ATP7A: variants seen among roughly 807,000 people sequenced by gnomAD.
ATP7A encodes the protein copper-transporting ATPase 1.
Under a neutral mutation model 83.5 loss-of-function variants are expected in ATP7A, and 7 were observed. The ratio of observed to expected loss-of-function variants is 0.08; its 90% CI spans 0.05 to 0.16. The LOEUF (loss-of-function observed/expected upper bound fraction) is 0.16, where lower values mean the gene tolerates loss of function less well. ATP7A is among the 10% of genes least tolerant of loss of function. The probability of loss-of-function intolerance (pLI) is 1.00; values close to 1 mark genes in which losing one functional copy is unlikely to be tolerated. For synonymous variants in ATP7A, 354 were observed against 395.2 expected, an observed-to-expected ratio of 0.90 and a Z score of 1.24; for missense variants, 940 against 1,120.8, an observed-to-expected ratio of 0.84 and a Z score of 2.30.
intron 18 of ATP7A, among the ~76,000 whole-genome samples, chrX:78,039,640 G>C (rs782468688): frequency 5.6e-4 from 63 of 111,948 alleles, no homozygotes; most frequent in African/African-American, 2.0e-3. Flanking sequence ...AGCCCACAAC[G>C]TCAGTTTTAA....
chrX:77,948,069 A>G (rs1557226387), intron 1 of ATP7A, among the ~76,000 whole-genome samples: 1 of 85,012 alleles, frequency 1.2e-5, no homozygotes, highest in Non-Finnish European at 2.2e-5. Flanking sequence ...ATATTTATTT[A>G]TTTATTTATT....
intron 2 of ATP7A, chrX:77,974,875 G>T: frequency 3.5e-6 from 1 of 289,437 alleles, no homozygotes. Flanking sequence ...CAAAGGTGGA[G>T]AAACTATTTT....
At chrX:78,000,787 C>G (rs1448202766) in intron 5 of ATP7A, among the ~76,000 whole-genome samples, 3 of 109,704 alleles carry the variant, frequency 2.7e-5, no homozygotes, top group Non-Finnish European at 3.8e-5. Flanking sequence ...GCCTTAGCCT[C>G]CCTAGTAGCT....
At chrX:78,038,731 A>G in intron 17 of ATP7A, 105 bp from the exon 18 acceptor site, 4 of 922,128 alleles carry the variant, frequency 4.3e-6, no homozygotes, top group Non-Finnish European at 6.2e-6. Flanking sequence ...TCTAGGAGCA[A>G]TACAATGTAG....
rs1557239131 is a variant in ATP7A at position 78,046,480 on chromosome X, A to G, written c.4413A>G (p.Lys1471=). Residue 1471 remains lysine (K), a synonymous_variant, in exon 23 of 23, where the codon AAA becomes AAG. Coordinates refer to ENST00000341514, the MANE Select transcript of ATP7A (RefSeq NM_000052.7). ...RASINSLLSD[K]RSLNSVVTSE... The stretch of plus-strand genomic sequence containing the variant: ...CTATAAACTCACTACTGTCTGATAA[A>G]CGCTCCCTAAACAGTGTTGTTACCA... The G allele has an allele frequency of 8.3e-7, 1 of 1,209,054 alleles. No homozygotes were observed. The highest frequency in any genetic ancestry group is 1.8e-5 in the South Asian group (1 of 56,764).
rs1305381061 is a variant in ATP7A at position 78,033,044 on chromosome X, A to G, written c.3295-561A>G. Among the ~76,000 whole-genome samples, 7 of 112,611 alleles carry G rather than the reference A, an allele frequency of 6.2e-5. No homozygotes were observed. The Admixed American group carries it at 6.6e-4, about 11-fold the overall frequency. ...AATTATCTACTGGAAAGAGCAGAGA[A>G]TACTGATAAGCTTTCCATGTTTTCT... On this transcript the variant is annotated intron_variant, in intron 16 of 22. Coordinates refer to ENST00000341514, the MANE Select transcript of ATP7A (RefSeq NM_000052.7).
intron 4 of ATP7A, among the ~76,000 whole-genome samples, chrX:77,996,008 G>A (rs914108560): frequency 8.9e-6 from 1 of 111,895 alleles, no homozygotes; most frequent in East Asian, 2.8e-4. Context: ...GCCTCCCCAA[G>A]TGCTGGGATT....
intron 1 of ATP7A, among the ~76,000 whole-genome samples, chrX:77,940,241 A>T (rs1343741871): frequency 1.8e-5 from 2 of 111,055 alleles, no homozygotes; most frequent in Non-Finnish European, 3.8e-5. Flanking sequence ...CAATAAATAA[A>T]ATTTTAAAGA....
intron 1 of ATP7A, among the ~76,000 whole-genome samples, chrX:77,946,083 T>G (rs2077377513): frequency 9.0e-6 from 1 of 110,974 alleles, no homozygotes; most frequent in Non-Finnish European, 1.9e-5. Context: ...GAGGACTGCT[T>G]GAGTCCAGGA....
chrX:77,954,333 G>T (rs1390355257), intron 1 of ATP7A, among the ~76,000 whole-genome samples: 1 of 110,566 alleles, frequency 9.0e-6, no homozygotes, highest in Non-Finnish European at 1.9e-5. Flanking sequence ...TAGTAGAGAC[G>T]GGATTTCACC....
chrX:78,011,237 A>G lies in ATP7A; in HGVS notation c.1931A>G (p.Lys644Arg), dbSNP rs781900997. The change falls in exon 8 of 23, where the codon AAA (lysine) becomes AGA (arginine). Residue 644 changes from lysine to arginine, a missense_variant. Physicochemically the swap from Lys to Arg is conservative, Grantham distance 26. Coordinates refer to ENST00000341514, the MANE Select transcript of ATP7A (RefSeq NM_000052.7). ...CGGTCAGCAAGTCACTTAGATCATA[A>G]ACGAGAAATAAGACAGTAAGTACTT... Reference protein sequence around the residue: ...KDRSASHLDHKREIRQWRRSF... With the variant: ...KDRSASHLDHRREIRQWRRSF... 69 of 1,206,792 alleles carry G rather than the reference A, an allele frequency of 5.7e-5. No homozygotes were observed. The South Asian group carries it at 1.1e-3, about 19-fold the overall frequency.
chrX:77,983,741 T>C (rs1163937531), intron 2 of ATP7A, among the ~76,000 whole-genome samples: 2 of 110,927 alleles, frequency 1.8e-5, no homozygotes, highest in Non-Finnish European at 3.8e-5. Flanking sequence ...CACTCTCTTG[T>C]CCAGGCTGGA....
rs782468688 is a variant in ATP7A, at chrX:78,039,640, G to T, written c.3658+658G>T. Reference sequence around the variant, plus strand: ...TGAGCCACCATGCCCAGCCCACAACGTCAGTTTTAATTTTGTATATTCCAT... The same window carrying T: ...TGAGCCACCATGCCCAGCCCACAACTTCAGTTTTAATTTTGTATATTCCAT... On this transcript the variant is annotated intron_variant, in intron 18 of 22. Coordinates refer to ENST00000341514, the MANE Select transcript of ATP7A (RefSeq NM_000052.7). 9.8e-5 allele frequency among the ~76,000 whole-genome samples: 11 copies of T among 111,899 alleles called. 1 individual carries two copies. The highest frequency in any genetic ancestry group is 1.9e-5 in the Non-Finnish European group (1 of 53,172).
chrX:77,936,388 A>C (rs1557225039), intron 1 of ATP7A, among the ~76,000 whole-genome samples: 1 of 112,246 alleles, frequency 8.9e-6, no homozygotes, highest in Non-Finnish European at 1.9e-5. Flanking sequence ...GCTCACTTTC[A>C]AGTTTTAAAA....
At chrX:77,973,856 CTATT>C (rs781907084) in intron 2 of ATP7A, among the ~76,000 whole-genome samples, 7 of 111,738 alleles carry the variant, frequency 6.3e-5, no homozygotes, top group Non-Finnish European at 9.4e-5. Context: ...TAGTATATGT[CTATT>C]TATGTTGGTA....
chrX:77,969,652 A>G, intron 1 of ATP7A: 1 of 1,210,999 alleles, frequency 8.3e-7, no homozygotes, highest in Non-Finnish European at 1.1e-6. Flanking sequence ...GGTGGGCTGC[A>G]ATACTTTTTA....
In ATP7A at chrX:77,992,653, C is replaced by G. The variant is rs189256627; in HGVS notation, c.1336+2695C>G. Among the ~76,000 whole-genome samples the G allele has an allele frequency of 1.4e-4, 15 of 110,949 alleles. No individual in the cohort carries two copies. The East Asian group carries it at 4.2e-3, about 31-fold the overall frequency. On this transcript the variant is annotated intron_variant, in intron 4 of 22. Transcript: ENST00000341514. ...TTGAGATGGAGTCTTGCTCTTTCACCCAGGCTGAAGTGCAATGGCATGATC... is the reference window on the plus strand; with the variant it reads ...TTGAGATGGAGTCTTGCTCTTTCACGCAGGCTGAAGTGCAATGGCATGATC...
chrX:78,015,774 A>C lies in ATP7A; in HGVS notation c.2519A>C (p.Glu840Ala). The part of the protein sequence containing the change: ...ILLSEEQVDV[E>A]LVQRGDIIKV... ...TCCAGTGAAGAACAAGTGGATGTGGAACTTGTACAACGTGGAGATATCATT... is the reference window on the plus strand; with the variant it reads ...TCCAGTGAAGAACAAGTGGATGTGGCACTTGTACAACGTGGAGATATCATT... Residue 840 changes from glutamate (E) to alanine (A), a missense_variant, in exon 12 of 23, where the codon GAA becomes GCA. By Grantham distance (107) the Glu-to-Ala change is moderately radical. This residue lies in a region of ATP7A where 386 missense variants were observed against 502.2 expected (regional missense o/e 0.77). Coordinates refer to ENST00000341514, the MANE Select transcript of ATP7A (RefSeq NM_000052.7). 8.3e-7 allele frequency: 1 copy of C among 1,211,447 alleles called. No individual in the cohort carries two copies. Among genetic ancestry groups the C allele is most frequent in the Non-Finnish European group, 1.1e-6 (1 of 895,245 alleles).
At chrX:77,936,054 A>T (rs189764481) in intron 1 of ATP7A, among the ~76,000 whole-genome samples, 4 of 112,365 alleles carry the variant, frequency 3.6e-5, no homozygotes, top group Admixed American at 9.5e-5. Flanking sequence ...TTCTTGATTT[A>T]ACTGATTCAA....
Sources: allele counts gnomAD v4.1 joint callset (sites outside exome capture counted in the v4.1 genomes callset), GRCh38; gene constraint gnomAD v4.1.1; regional missense constraint gnomAD v4.1.1; transcripts MANE v1.5; gene names NCBI Gene and HGNC (gene_info 2026-07-23, HGNC 2026-07-21).